The following LCORL variants were observed in gnomAD, a reference collection of about 807,000 sequenced individuals.
LCORL encodes ligand dependent nuclear receptor corepressor like.
LCORL carries 41 observed loss-of-function variants against 141.8 expected under a neutral mutation model. The ratio of observed to expected loss-of-function variants is 0.29; its 90% CI spans 0.23 to 0.38. LCORL has a LOEUF of 0.38. LCORL is among the 10% of genes least tolerant of loss of function. The pLI, the probability that LCORL is intolerant of heterozygous loss-of-function variation, is 1.00. For synonymous variants in LCORL, 618 were observed against 694.1 expected, an observed-to-expected ratio of 0.89 and a Z score of 1.72; for missense variants, 1,759 against 2,035.0, an observed-to-expected ratio of 0.86 and a Z score of 2.61.
At chr4:17,990,588 A>T (rs1485533829) in intron 1 of LCORL, among the ~76,000 whole-genome samples, 2 of 151,204 alleles carry the variant, frequency 1.3e-5, no homozygotes, top group Admixed American at 1.3e-4. Flanking sequence ...ACTAAGGGTA[A>T]ACTTCATTAT....
Position 17,876,311 on chromosome 4 carries a change from GCT to G in LCORL, c.2677_2678del (p.Ser893LeufsTer14). 8.1e-7 allele frequency: 1 copy of G among 1,230,808 alleles called. No homozygotes were observed. Among genetic ancestry groups the G allele is most frequent in the Non-Finnish European group, 1.0e-6 (1 of 987,084 alleles). 76.2% of individuals were successfully genotyped at this position (1,230,808 alleles called of 1,614,324 possible). ...CGGATGCTACCACAGATTTTGATAA[GCT>G]CTGTTCTTTGCATGTCATTCTATTT... On this transcript the variant is annotated frameshift_variant, in exon 7 of 8. Transcript: ENST00000635767. LOFTEE classifies it high-confidence loss of function.
At chr4:17,972,528 T>G (rs1716172161) in intron 2 of LCORL, among the ~76,000 whole-genome samples, 1 of 151,742 alleles carries the variant, frequency 6.6e-6, no homozygotes, top group African/African-American at 2.4e-5. Flanking sequence ...TTTATTTATT[T>G]AAATCTTATT....
intron 1 of LCORL, among the ~76,000 whole-genome samples, chr4:17,980,464 T>C (rs1717770188): frequency 6.6e-6 from 1 of 152,176 alleles, no homozygotes; most frequent in Non-Finnish European, 1.5e-5. Context: ...GGACAGGCTA[T>C]TGCCCTAGAA....
At chr4:17,955,198 G>T (rs1029975808) in intron 4 of LCORL, among the ~76,000 whole-genome samples, 4 of 152,122 alleles carry the variant, frequency 2.6e-5, no homozygotes, top group Admixed American at 2.6e-4. Flanking sequence ...AATCCAAAGG[G>T]TATAATTTTC....
At chr4:17,889,156 G>A (rs967439471) in intron 5 of LCORL, among the ~76,000 whole-genome samples, 3 of 151,942 alleles carry the variant, frequency 2.0e-5, no homozygotes, top group African/African-American at 4.8e-5. Flanking sequence ...ACTCACACAC[G>A]AAGCACCAAC....
chr4:17,858,724 A>T (rs1724649502), intron 7 of LCORL, among the ~76,000 whole-genome samples: 1 of 149,452 alleles, frequency 6.7e-6, no homozygotes, highest in African/African-American at 2.5e-5. Flanking sequence ...GTGAAACTCC[A>T]TCTCAAATAA....
intron 7 of LCORL, among the ~76,000 whole-genome samples, chr4:17,864,289 A>C (rs969289101): frequency 6.6e-6 from 1 of 152,086 alleles, no homozygotes; most frequent in Non-Finnish European, 1.5e-5. Context: ...CCATGGAATG[A>C]TCTTGGCTCA....
At chr4:17,936,360 G>GAAA (rs10646952) in intron 4 of LCORL, among the ~76,000 whole-genome samples, 1,125 of 96,414 alleles carry the variant, frequency 0.012, 17 homozygotes, top group Middle Eastern at 0.042. Context: ...GTCTCATAAT[G>GAAA]AAAAAAAAAA....
chr4:17,891,929 T>C (rs1729140586), intron 5 of LCORL, among the ~76,000 whole-genome samples: 1 of 152,188 alleles, frequency 6.6e-6, no homozygotes, highest in Non-Finnish European at 1.5e-5. Flanking sequence ...ACACATACTT[T>C]TCTGCCTTTC....
Position 18,021,709 on chromosome 4 carries a change from C to G in LCORL, c.43G>C (p.Ala15Pro), listed in dbSNP as rs1391160444. 72 of 1,527,252 alleles carry G rather than the reference C, an allele frequency of 4.7e-5. 1 individual carries two copies. Among genetic ancestry groups the G allele is most frequent in the Non-Finnish European group, 6.1e-5 (69 of 1,137,610 alleles). 94.6% of individuals were successfully genotyped at this position (1,527,252 alleles called of 1,614,324 possible). The change falls in exon 1 of 8, where the codon GCT becomes CCT. Residue 15 changes from alanine (A) to proline (P), a missense_variant. Ala to Pro is a conservative substitution (Grantham distance 27, BLOSUM62 -1). This residue lies in a region of LCORL where 86 missense variants were observed against 61.8 expected (regional missense o/e 1.39). Coordinates refer to ENST00000635767, the Ensembl canonical transcript of LCORL. This position sits in a 1 kb window ranked among gnomAD's most constrained non-coding sequence, Gnocchi z 5.5. ...TGAGCGGCGGCGGCGGCGGCGGCAG[C>G]AGCGGCGGCGGCAGCGGCCATTCTC...
intron 1 of LCORL, among the ~76,000 whole-genome samples, chr4:17,998,542 C>A (rs1417676334): frequency 6.6e-6 from 1 of 152,008 alleles, no homozygotes; most frequent in Non-Finnish European, 1.5e-5. Context: ...CTATCTTCCA[C>A]CTTAACATCT....
intron 1 of LCORL, among the ~76,000 whole-genome samples, chr4:18,008,805 G>C (rs1467732534): frequency 6.6e-6 from 1 of 151,986 alleles, no homozygotes; most frequent in Non-Finnish European, 1.5e-5. Flanking sequence ...TGGTAGTTAG[G>C]GCTGAAAGTG....
At chr4:17,991,984 G>A (rs1720101495) in intron 1 of LCORL, among the ~76,000 whole-genome samples, 1 of 152,104 alleles carries the variant, frequency 6.6e-6, no homozygotes, top group Non-Finnish European at 1.5e-5. Context: ...CTAAAGGGGA[G>A]CAGAGGTAAA....
chr4:17,917,560 T>C (rs1733650859), intron 4 of LCORL, among the ~76,000 whole-genome samples: 1 of 152,278 alleles, frequency 6.6e-6, no homozygotes, highest in Admixed American at 6.5e-5. Context: ...CAGCAGGTTT[T>C]GATTGTTTTG....
intron 4 of LCORL, chr4:17,912,608 T>C: frequency 2.5e-6 from 1 of 402,918 alleles, no homozygotes; most frequent in East Asian, 6.3e-5. Flanking sequence ...TACAGTCCAG[T>C]CCTTGGAGAT....
At chr4:17,895,152 T>C (rs1461830256) in intron 5 of LCORL, among the ~76,000 whole-genome samples, 1 of 152,090 alleles carries the variant, frequency 6.6e-6, no homozygotes, top group Admixed American at 6.6e-5. Flanking sequence ...CATATTCACC[T>C]CAAACACTTG....
chr4:17,978,422 C>A (rs976229201), intron 1 of LCORL, among the ~76,000 whole-genome samples: 2 of 151,928 alleles, frequency 1.3e-5, no homozygotes, highest in African/African-American at 4.8e-5. Context: ...CAAAGCAAGA[C>A]CCCTTCTCTA....
At chr4:17,899,741 G>C (rs891862450) in intron 5 of LCORL, among the ~76,000 whole-genome samples, 9 of 151,954 alleles carry the variant, frequency 5.9e-5, no homozygotes, top group African/African-American at 2.2e-4. Flanking sequence ...CAAGGGAAAA[G>C]AAAAAAACAA....
At chr4:17,995,927 C>G (rs1720856900) in intron 1 of LCORL, among the ~76,000 whole-genome samples, 1 of 152,026 alleles carries the variant, frequency 6.6e-6, no homozygotes, top group Non-Finnish European at 1.5e-5. Context: ...ATAGATACAT[C>G]CTCTTCTTTA....
Sources: allele counts gnomAD v4.1 joint callset (sites outside exome capture counted in the v4.1 genomes callset), GRCh38; gene constraint gnomAD v4.1.1; regional missense constraint gnomAD v4.1.1; non-coding constraint Gnocchi (gnomAD v3.1); transcripts MANE v1.5; gene names NCBI Gene and HGNC (gene_info 2026-07-23, HGNC 2026-07-21).